TEAD1: variants seen among roughly 807,000 people sequenced by gnomAD.
TEAD1 encodes TEA domain transcription factor 1.
Under a neutral mutation model 54.9 loss-of-function variants are expected in TEAD1, and 9 were observed. The observed-to-expected ratio is 0.16, with a 90% confidence interval of 0.10 to 0.29. The LOEUF (loss-of-function observed/expected upper bound fraction) is 0.29, where lower values mean the gene tolerates loss of function less well. TEAD1 is among the 10% of genes least tolerant of loss of function. The pLI is 1.00. For synonymous variants in TEAD1, 200 were observed against 187.8 expected (o/e 1.07, Z -0.53); for missense variants, 387 against 535.9 (o/e 0.72, Z 2.74).
chr11:12,747,630 C>T (rs903588162), intron 2 of TEAD1, among the ~76,000 whole-genome samples: 7 of 152,246 alleles, frequency 4.6e-5, no homozygotes, highest in African/African-American at 1.7e-4. Context: ...GCCACCACGC[C>T]TGGCCTATTA....
chr11:12,876,059 G>A (rs2134088925), intron 5 of TEAD1, among the ~76,000 whole-genome samples: 1 of 152,298 alleles, frequency 6.6e-6, no homozygotes, highest in Non-Finnish European at 1.5e-5. Flanking sequence ...ACCTTTTATA[G>A]TCTTGGAGCA....
chr11:12,699,813 A>G (rs1943659995), intron 2 of TEAD1, among the ~76,000 whole-genome samples: 1 of 152,216 alleles, frequency 6.6e-6, no homozygotes, highest in South Asian at 2.1e-4. Context: ...TGACATGTCG[A>G]ATTGTTTGGA....
At chr11:12,820,655 G>T in intron 3 of TEAD1, among the ~76,000 whole-genome samples, 1 of 152,226 alleles carries the variant, frequency 6.6e-6, no homozygotes, top group East Asian at 1.9e-4. Flanking sequence ...ATACAAAGTA[G>T]TGCTTATTCT....
intron 3 of TEAD1, among the ~76,000 whole-genome samples, chr11:12,781,304 G>A (rs992802876): frequency 2.0e-5 from 3 of 151,872 alleles, no homozygotes; most frequent in African/African-American, 7.3e-5. Context: ...AAGTATAAGT[G>A]GTAAAGTAAA....
intron 2 of TEAD1, among the ~76,000 whole-genome samples, chr11:12,759,163 C>T (rs1204842059): frequency 1.3e-5 from 2 of 152,032 alleles, no homozygotes; most frequent in African/African-American, 4.8e-5. Flanking sequence ...GAGAAACTGA[C>T]ATTATGAGAG....
intron 3 of TEAD1, among the ~76,000 whole-genome samples, chr11:12,831,653 C>T (rs950372399): frequency 6.6e-6 from 1 of 151,814 alleles, no homozygotes; most frequent in Non-Finnish European, 1.5e-5. Context: ...GTGACGTGTG[C>T]CTGTAGTCCC....
intron 7 of TEAD1, 117 bp from the exon 8 acceptor site, chr11:12,881,779 C>A: frequency 9.7e-7 from 1 of 1,029,766 alleles, no homozygotes; most frequent in Non-Finnish European, 1.5e-6. Context: ...CTACCACCTG[C>A]AGGCAGGGAC....
intron 6 of TEAD1, 92 bp from the exon 7 acceptor site, chr11:12,880,913 T>C: frequency 1.4e-6 from 2 of 1,410,666 alleles, no homozygotes; most frequent in Non-Finnish European, 2.0e-6. Context: ...TCGAACCTGC[T>C]GTCTTTTAGC....
rs1015566337 is a variant in TEAD1, at chr11:12,940,891, T to C, written c.*3669T>C. 2 of 152,204 alleles carry C rather than the reference T, an allele frequency of 1.3e-5. No individual in the cohort carries two copies. The highest frequency in any genetic ancestry group is 4.8e-5 in the African/African-American group (2 of 41,452). The allele number at this position is 152,204 out of a possible 1,614,324, so 9.4% of individuals were successfully genotyped here. Reference sequence around the variant, plus strand: ...CCTTTAGAGATGGAGGATGGAAGGATTGGTACCAGAAGAGGGCTAAGATAC... The same window carrying C: ...CCTTTAGAGATGGAGGATGGAAGGACTGGTACCAGAAGAGGGCTAAGATAC... On this transcript the variant is annotated 3_prime_UTR_variant, in exon 13 of 13. Coordinates refer to ENST00000527636, the MANE Select transcript of TEAD1 (RefSeq NM_021961.6).
At chr11:12,921,365 C>T (rs1413861626) in intron 10 of TEAD1, 1 of 151,960 alleles carries the variant, frequency 6.6e-6, no homozygotes, top group African/African-American at 2.4e-5. Flanking sequence ...GGAGAAACCT[C>T]GTCTCTACCA....
chr11:12,827,101 A>C (rs1946673230), intron 3 of TEAD1, among the ~76,000 whole-genome samples: 2 of 152,170 alleles, frequency 1.3e-5, no homozygotes, highest in African/African-American at 4.8e-5. Flanking sequence ...AGCCTTCTGG[A>C]TAGAACTCAG....
chr11:12,890,358 C>G (rs1225931988), intron 9 of TEAD1, among the ~76,000 whole-genome samples: 1 of 152,174 alleles, frequency 6.6e-6, no homozygotes, highest in Admixed American at 6.5e-5. Context: ...CCTCTGAGTT[C>G]CTATTCCAAC....
At chr11:12,811,700 G>A (rs1028432124) in intron 3 of TEAD1, among the ~76,000 whole-genome samples, 2 of 152,152 alleles carry the variant, frequency 1.3e-5, no homozygotes, top group African/African-American at 4.8e-5. Context: ...AGGAACAGTG[G>A]GTTGGAGTAG....
At chr11:12,810,962 A>G (rs1474530491) in intron 3 of TEAD1, among the ~76,000 whole-genome samples, 1 of 152,214 alleles carries the variant, frequency 6.6e-6, no homozygotes, top group Non-Finnish European at 1.5e-5. Context: ...CTCCACGGCT[A>G]TAGAGGACAT....
At chr11:12,933,226 GTTAGATTAA>G (rs1002899802) in intron 12 of TEAD1, among the ~76,000 whole-genome samples, 1 of 152,108 alleles carries the variant, frequency 6.6e-6, no homozygotes, top group Non-Finnish European at 1.5e-5. Flanking sequence ...AACTTAGCAG[GTTAGATTAA>G]TTTCAAAATG....
intron 2 of TEAD1, among the ~76,000 whole-genome samples, chr11:12,734,192 A>G (rs1944480378): frequency 6.6e-6 from 1 of 152,184 alleles, no homozygotes; most frequent in Non-Finnish European, 1.5e-5. Context: ...CTGGGATTAC[A>G]TTGTGAGCCC....
chr11:12,739,368 A>T (rs775499476), intron 2 of TEAD1, among the ~76,000 whole-genome samples: 3 of 152,198 alleles, frequency 2.0e-5, no homozygotes, highest in African/African-American at 7.2e-5. Flanking sequence ...TTGTTTTGCT[A>T]TCGTCACCAC....
At chr11:12,847,495 T>A (rs1268463668) in intron 3 of TEAD1, among the ~76,000 whole-genome samples, 1 of 5,538 alleles carries the variant, frequency 1.8e-4, no homozygotes, top group Admixed American at 2.3e-3. Context: ...TTTGGTGGGG[T>A]GGGGGTGGGG....
At chr11:12,744,943 A>G (rs1944717011) in intron 2 of TEAD1, among the ~76,000 whole-genome samples, 1 of 152,162 alleles carries the variant, frequency 6.6e-6, no homozygotes. Context: ...TTGGCTTCTT[A>G]TTAATGTCCC....
Sources: allele counts gnomAD v4.1 joint callset (sites outside exome capture counted in the v4.1 genomes callset), GRCh38; gene constraint gnomAD v4.1.1; transcripts MANE v1.5; gene names NCBI Gene and HGNC (gene_info 2026-07-23, HGNC 2026-07-21).